KLB: variants seen among roughly 807,000 people sequenced by gnomAD.
KLB encodes the protein klotho beta, also known as beta-klotho.
KLB carries 44 observed loss-of-function variants against 88.4 expected under a neutral mutation model. That is an observed-to-expected ratio of 0.50 (90% CI 0.39 to 0.64). The LOEUF (loss-of-function observed/expected upper bound fraction) is 0.64, where lower values mean the gene tolerates loss of function less well. Among genes scored for constraint, KLB ranks in the 30% least tolerant of loss-of-function variants. The pLI is 0.00. For synonymous variants in KLB, 548 were observed against 513.4 expected (o/e 1.07, Z -0.91); for missense variants, 1,137 against 1,304.8 (o/e 0.87, Z 1.98).
At chr4:39,435,200 C>T (rs111536423) in intron 2 of KLB, among the ~76,000 whole-genome samples, 1 of 152,028 alleles carries the variant, frequency 6.6e-6, no homozygotes, top group Non-Finnish European at 1.5e-5. Flanking sequence ...TCACTGCAAC[C>T]TCTGCCTCCT....
At chr4:39,423,992 C>T (rs1474014526) in intron 1 of KLB, among the ~76,000 whole-genome samples, 2 of 151,786 alleles carry the variant, frequency 1.3e-5, no homozygotes, top group Admixed American at 1.3e-4. Context: ...TAGTGAGACC[C>T]TGTCTCTGCA....
chr4:39,439,221 G>GCAATT (rs1743542770), intron 3 of KLB, among the ~76,000 whole-genome samples: 1 of 152,054 alleles, frequency 6.6e-6, no homozygotes, highest in Non-Finnish European at 1.5e-5. Flanking sequence ...CTGGTCTGGA[G>GCAATT]CTCCTGGGCT....
rs766974887 is a variant in KLB at position 39,447,088 on chromosome 4, G to A, written c.2362G>A (p.Glu788Lys). ...KTGDYPAAMR[E>K]YIASKHRRGL... The stretch of plus-strand genomic sequence containing the variant: ...CGGGGACTACCCCGCGGCCATGAGG[G>A]AATACATTGCCTCCAAGCACCGACG... The change falls in exon 4 of 5, where the codon GAA (glutamate) becomes AAA (lysine). Residue 788 changes from glutamate to lysine, a missense_variant. Physicochemically the swap from Glu to Lys is moderately conservative, Grantham distance 56 (BLOSUM62 1). This residue lies in a region of KLB where 426 missense variants were observed against 404.6 expected (regional missense o/e 1.05). Coordinates refer to ENST00000257408, the MANE Select transcript of KLB (RefSeq NM_175737.4). The A allele has an allele frequency of 5.0e-6, 8 of 1,613,070 alleles. No homozygotes were observed. The East Asian group carries it at 1.6e-4, about 31-fold the overall frequency.
At position 39,434,193 on chromosome 4, in the gene KLB, A is replaced by C. The variant is rs1194381453; in HGVS notation, c.826-17A>C. 2 of 1,583,436 alleles carry C rather than the reference A, an allele frequency of 1.3e-6. No individual in the cohort carries two copies. Among genetic ancestry groups the C allele is most frequent in the South Asian group, 2.4e-5 (2 of 84,806 alleles). ...TAAGTGAGGACAACAAAGATCAATA[A>C]TATTTTCTTCTTTTAGGCTCACTCG... On this transcript the variant is annotated splice_polypyrimidine_tract_variant and intron_variant, in intron 1 of 4. Transcript: ENST00000257408.
chr4:39,410,823 G>A (rs1742822569), intron 1 of KLB, among the ~76,000 whole-genome samples: 1 of 152,062 alleles, frequency 6.6e-6, no homozygotes, highest in Non-Finnish European at 1.5e-5. Flanking sequence ...GTTTCATAGT[G>A]GCTATTGGGG....
intron 1 of KLB, among the ~76,000 whole-genome samples, chr4:39,410,711 T>A (rs547695166): frequency 2.4e-3 from 372 of 152,314 alleles, no homozygotes; most frequent in African/African-American, 8.6e-3. Context: ...TAGGAATAGT[T>A]TTTAGACCGA....
intron 4 of KLB, 57 bp downstream of exon 4, chr4:39,447,532 G>T: frequency 1.4e-6 from 2 of 1,410,106 alleles, no homozygotes; most frequent in Non-Finnish European, 1.9e-6. Context: ...TACCTGACAA[G>T]AACAAAGAAT....
intron 1 of KLB, among the ~76,000 whole-genome samples, chr4:39,418,390 C>G (rs1358879907): frequency 6.6e-6 from 1 of 152,004 alleles, no homozygotes; most frequent in Non-Finnish European, 1.5e-5. Flanking sequence ...CAGGCGTGAG[C>G]CACCGTGCCA....
chr4:39,448,448 G>GCTT lies in KLB; in HGVS notation c.2899_2901dup (p.Phe967dup). ...TACAACAAAGTGATCAGCAGCAGGG[G>GCTT]CTTCCCTTTTGAGAACAGTAGTTCT... is the stretch of plus-strand genomic sequence containing the variant. On this transcript the variant is annotated inframe_insertion, in exon 5 of 5. Transcript: ENST00000257408. The GCTT allele has an allele frequency of 3.1e-6, 5 of 1,614,096 alleles. No homozygotes were observed. The highest frequency in any genetic ancestry group is 4.2e-6 in the Non-Finnish European group (5 of 1,179,994).
chr4:39,425,438 AT>A (rs1008567866), intron 1 of KLB, among the ~76,000 whole-genome samples: 9 of 151,832 alleles, frequency 5.9e-5, no homozygotes, highest in East Asian at 1.9e-4. Flanking sequence ...TGTTAGAATA[AT>A]TTTTTTTTAA....
At chr4:39,443,758 C>CAAAAAAAAAAA (rs56820388) in intron 3 of KLB, among the ~76,000 whole-genome samples, 1 of 111,094 alleles carries the variant, frequency 9.0e-6, no homozygotes, top group East Asian at 3.4e-4. Context: ...GAGACTTTGT[C>CAAAAAAAAAAA]AAAAAAAAAA....
At chr4:39,407,898 T>C in intron 1 of KLB, 124 bp downstream of exon 1, 1 of 580,364 alleles carries the variant, frequency 1.7e-6, no homozygotes. Flanking sequence ...ATTCAAAAGA[T>C]CTATCCTCAA....
At chr4:39,421,708 T>C (rs1489930879) in intron 1 of KLB, among the ~76,000 whole-genome samples, 1 of 150,500 alleles carries the variant, frequency 6.6e-6, no homozygotes, top group Non-Finnish European at 1.5e-5. Context: ...TGAGCAGAGA[T>C]CCTGCCATTG....
chr4:39,435,986 G>T (rs1743463660), intron 2 of KLB, among the ~76,000 whole-genome samples: 1 of 152,160 alleles, frequency 6.6e-6, no homozygotes, highest in Admixed American at 6.5e-5. Flanking sequence ...ATGATGAAAA[G>T]GTCTGAAGAC....
intron 1 of KLB, among the ~76,000 whole-genome samples, chr4:39,423,575 C>A (rs71606165): frequency 0.22 from 33,608 of 151,690 alleles, 4,408 homozygotes; most frequent in East Asian, 0.36. Context: ...CAACTGTAAA[C>A]TTCAATTTCT....
chr4:39,410,875 T>C (rs981912200), intron 1 of KLB, among the ~76,000 whole-genome samples: 4 of 152,272 alleles, frequency 2.6e-5, no homozygotes, highest in African/African-American at 9.6e-5. Context: ...CCATCTCGGT[T>C]TGAAATGTTC....
chr4:39,443,821 T>C (rs1411457728), intron 3 of KLB, among the ~76,000 whole-genome samples: 1 of 149,726 alleles, frequency 6.7e-6, no homozygotes, highest in Admixed American at 6.7e-5. Flanking sequence ...ACTCTATGAA[T>C]ATCCTATTCC....
chr4:39,427,203 C>A (rs1351710418), intron 1 of KLB, among the ~76,000 whole-genome samples: 1 of 152,146 alleles, frequency 6.6e-6, no homozygotes, highest in Non-Finnish European at 1.5e-5. Flanking sequence ...CAGCTTGAGG[C>A]CGGACGCGGT....
At chr4:39,420,973 T>G (rs1743070908) in intron 1 of KLB, among the ~76,000 whole-genome samples, 1 of 152,206 alleles carries the variant, frequency 6.6e-6, no homozygotes, top group Admixed American at 6.5e-5. Context: ...ATGTTCAAAT[T>G]TTTTTCTATG....
Sources: gnomAD v4.1 joint callset for allele counts (sites outside exome capture counted in the v4.1 genomes callset) on GRCh38, gnomAD v4.1.1 for gene constraint, gnomAD v4.1.1 regional missense constraint, MANE v1.5 for transcripts, NCBI Gene and HGNC (gene_info 2026-07-23, HGNC 2026-07-21) for gene names.